The following CCDC171 variants were observed in gnomAD, a reference collection of about 807,000 sequenced individuals.
CCDC171 encodes the protein coiled-coil domain containing 171, also known as coiled-coil domain-containing protein 171.
Under a neutral mutation model 168.2 loss-of-function variants are expected in CCDC171, and 177 were observed. The observed-to-expected ratio is 1.05, with a 90% confidence interval of 0.93 to 1.19. The LOEUF is 1.19. Among genes scored for constraint, CCDC171 ranks in the 50% most tolerant of loss-of-function variants. The pLI is 0.00. For synonymous variants in CCDC171, 687 were observed against 540.8 expected (o/e 1.27, Z -3.75); for missense variants, 1,991 against 1,539.0 (o/e 1.29, Z -4.91).
intron 24 of CCDC171, among the ~76,000 whole-genome samples, chr9:15,898,914 C>T (rs1821266938): frequency 6.6e-6 from 1 of 152,112 alleles, no homozygotes; most frequent in South Asian, 2.1e-4. Context: ...AATCAAGATA[C>T]AGAAAGGTAC....
At chr9:15,805,900 T>G (rs188089953) in intron 21 of CCDC171, among the ~76,000 whole-genome samples, 1 of 152,286 alleles carries the variant, frequency 6.6e-6, no homozygotes, top group Admixed American at 6.5e-5. Context: ...TAAGTCTCTT[T>G]GAAGGTCTCT....
intron 10 of CCDC171, among the ~76,000 whole-genome samples, chr9:15,693,692 A>T (rs927524152): frequency 3.3e-5 from 5 of 152,290 alleles, no homozygotes; most frequent in Admixed American, 2.0e-4. Flanking sequence ...AATTTTACAT[A>T]TTTTAAGGAT....
chr9:15,562,135 T>C (rs1318316934), intron 1 of CCDC171, among the ~76,000 whole-genome samples: 1 of 152,010 alleles, frequency 6.6e-6, no homozygotes, highest in Non-Finnish European at 1.5e-5. Flanking sequence ...GCTGGGATTA[T>C]AGGCGCCCAC....
chr9:15,949,824 C>G (rs1467733700), intron 25 of CCDC171, among the ~76,000 whole-genome samples: 1 of 152,076 alleles, frequency 6.6e-6, no homozygotes, highest in Non-Finnish European at 1.5e-5. Flanking sequence ...TTGCCCTGGC[C>G]AGAACTTCTA....
intron 10 of CCDC171, among the ~76,000 whole-genome samples, chr9:15,687,674 G>C (rs181167734): frequency 7.8e-4 from 118 of 152,150 alleles, no homozygotes; most frequent in African/African-American, 2.7e-3. Flanking sequence ...TCAAATTACT[G>C]AAATCATGAA....
At chr9:15,828,032 G>A (rs560240713) in intron 21 of CCDC171, among the ~76,000 whole-genome samples, 1 of 152,228 alleles carries the variant, frequency 6.6e-6, no homozygotes, top group East Asian at 1.9e-4. Context: ...GAGGATATAG[G>A]AATAGAAAGG....
chr9:15,888,418 C>T (rs1563943096), intron 24 of CCDC171, among the ~76,000 whole-genome samples: 1 of 152,124 alleles, frequency 6.6e-6, no homozygotes, highest in East Asian at 1.9e-4. Flanking sequence ...AAATTCATGC[C>T]ATACACTACT....
At chr9:15,774,876 T>C (rs988006513) in intron 18 of CCDC171, among the ~76,000 whole-genome samples, 23 of 152,226 alleles carry the variant, frequency 1.5e-4, no homozygotes, top group South Asian at 4.1e-4. Flanking sequence ...ACATGGTATG[T>C]TCTCACTCAT....
the CCDC171 span, among the ~76,000 whole-genome samples, chr9:16,082,178 C>T: frequency 2.0e-5 from 3 of 152,072 alleles, no homozygotes; most frequent in African/African-American, 7.2e-5. Context: ...AGACAACTGC[C>T]CTTAGGAAAG....
At chr9:16,046,420 G>A (rs934417883) in intron 1 of CCDC171, among the ~76,000 whole-genome samples, 1 of 152,152 alleles carries the variant, frequency 6.6e-6, no homozygotes, top group South Asian at 2.1e-4. Context: ...TTTCTTCCAT[G>A]TGCCACTGAT....
At chr9:15,950,252 C>A (rs1828969722) in intron 25 of CCDC171, among the ~76,000 whole-genome samples, 1 of 151,952 alleles carries the variant, frequency 6.6e-6, no homozygotes, top group Non-Finnish European at 1.5e-5. Context: ...GGCCAACATT[C>A]AAATTCAGGA....
chr9:15,590,568 C>G (rs933055763), intron 4 of CCDC171, among the ~76,000 whole-genome samples: 1 of 152,088 alleles, frequency 6.6e-6, no homozygotes, highest in Non-Finnish European at 1.5e-5. Flanking sequence ...GTGAGTTGCA[C>G]CTAAATCTGG....
At chr9:15,944,836 TTTTCTTTCTTTCTTTC>T (rs1554691551) in intron 25 of CCDC171, among the ~76,000 whole-genome samples, 7 of 129,852 alleles carry the variant, frequency 5.4e-5, no homozygotes, top group South Asian at 2.6e-4. Context: ...TTTCTTTCTT[TTTTCTTTCTTTCTTTC>T]TTTCTTTCTT....
chr9:15,568,988 T>A (rs186381426), intron 2 of CCDC171, among the ~76,000 whole-genome samples: 1 of 152,320 alleles, frequency 6.6e-6, no homozygotes, highest in East Asian at 1.9e-4. Flanking sequence ...GTGTCCAGGA[T>A]GGTATTGCCT....
At chr9:15,741,215 C>A (rs1294503477) in intron 16 of CCDC171, among the ~76,000 whole-genome samples, 1 of 152,156 alleles carries the variant, frequency 6.6e-6, no homozygotes, top group Non-Finnish European at 1.5e-5. Flanking sequence ...ATTGCACAAC[C>A]ATCACCACTA....
intron 9 of CCDC171, among the ~76,000 whole-genome samples, chr9:15,677,280 C>T (rs1021347354): frequency 1.3e-5 from 2 of 151,896 alleles, no homozygotes; most frequent in African/African-American, 4.8e-5. Flanking sequence ...ATGTAGCATC[C>T]AATCCTTTTA....
chr9:15,645,704 G>C (rs1225789211), intron 7 of CCDC171, among the ~76,000 whole-genome samples: 1 of 152,130 alleles, frequency 6.6e-6, no homozygotes, highest in Non-Finnish European at 1.5e-5. Flanking sequence ...AGAAAAAAGA[G>C]TAAAAAGAAA....
chr9:15,817,359 G>T lies in CCDC171; in HGVS notation c.3268-29343G>T, dbSNP rs561687906. Among the ~76,000 whole-genome samples the T allele has an allele frequency of 1.7e-5, 2 of 117,834 alleles. 1 individual carries two copies. The highest frequency in any genetic ancestry group is 5.6e-4 in the South Asian group (2 of 3,594). The allele number at this position is 117,834 out of a possible 152,430, so 77.3% of individuals were successfully genotyped here. ...CCGAACAGTGGGTGCAGGACAGTGG[G>T]TGCAGTGCAGCAAGCATGAGCCGAA... On this transcript the variant is annotated intron_variant, in intron 21 of 25. Transcript: ENST00000380701.
At chr9:15,812,391 T>C (rs1588652540) in intron 21 of CCDC171, among the ~76,000 whole-genome samples, 1 of 152,312 alleles carries the variant, frequency 6.6e-6, no homozygotes. Context: ...GATTGGCACA[T>C]GCACTGGTTG....
Sources: allele counts gnomAD v4.1 joint callset (sites outside exome capture counted in the v4.1 genomes callset), GRCh38; gene constraint gnomAD v4.1.1; transcripts MANE v1.5; gene names NCBI Gene and HGNC (gene_info 2026-07-23, HGNC 2026-07-21).